RAB6A: variants seen among roughly 807,000 people sequenced by gnomAD.
RAB6A encodes the protein ras-related protein Rab-6A.
In RAB6A, 8 loss-of-function variants were observed where a neutral mutation model predicts 32.3. The ratio of observed to expected loss-of-function variants is 0.25; its 90% CI spans 0.15 to 0.45. RAB6A has a LOEUF of 0.45. Ranked by LOEUF, RAB6A falls within the 20% of genes least tolerant of loss-of-function variation. The pLI, the probability that RAB6A is intolerant of heterozygous loss-of-function variation, is 1.00. For synonymous variants in RAB6A, 73 were observed against 82.1 expected (o/e 0.89, Z 0.60); for missense variants, 104 against 249.4 (o/e 0.42, Z 3.93).
chr11:73,688,761 T>C (rs183258673), intron 6 of RAB6A, among the ~76,000 whole-genome samples: 1 of 152,230 alleles, frequency 6.6e-6, no homozygotes. Context: ...TTTACATAAG[T>C]AGATTTTTTC....
chr11:73,735,533 A>G (rs1322802780), intron 1 of RAB6A, among the ~76,000 whole-genome samples: 6 of 152,174 alleles, frequency 3.9e-5, no homozygotes, highest in African/African-American at 1.2e-4. Flanking sequence ...GCTAGAAGGT[A>G]AAGAAAAACT....
At chr11:73,735,514 T>C (rs539871961) in intron 1 of RAB6A, among the ~76,000 whole-genome samples, 9 of 152,278 alleles carry the variant, frequency 5.9e-5, no homozygotes, top group Non-Finnish European at 1.2e-4. Context: ...GGCAGTCTTC[T>C]ATTATAAGGC....
At chr11:73,760,182 G>A (rs1168944895) in intron 1 of RAB6A, 2 of 1,125,470 alleles carry the variant, frequency 1.8e-6, no homozygotes, top group Non-Finnish European at 2.4e-6. Flanking sequence ...ACAGAGCTGA[G>A]GAACTGGGAA....
In RAB6A at chr11:73,754,937, T is replaced by A. The variant is rs147588459; in HGVS notation, c.70+5629A>T. 7.9e-3 allele frequency among the ~76,000 whole-genome samples: 1,205 copies of A among 152,166 alleles called. 4 individuals carry two copies. Among genetic ancestry groups the A allele is most frequent in the African/African-American group, 9.2e-3 (380 of 41,526 alleles). On this transcript the variant is annotated intron_variant, in intron 1 of 7. Coordinates refer to ENST00000336083, the MANE Select transcript of RAB6A (RefSeq NM_198896.2). ...TGGGTTTATTATTATTATTATTATT[T>A]TTTTGAGATGGAGTTTTGCTCGTTG...
chr11:73,689,205 G>A (rs1317120120), intron 6 of RAB6A, among the ~76,000 whole-genome samples: 1 of 152,158 alleles, frequency 6.6e-6, no homozygotes, highest in Non-Finnish European at 1.5e-5. Flanking sequence ...TTTGGCACCA[G>A]GGACCGGTTT....
At chr11:73,721,450 ATGAT>A (rs975278691) in intron 2 of RAB6A, among the ~76,000 whole-genome samples, 19 of 152,190 alleles carry the variant, frequency 1.2e-4, no homozygotes, top group African/African-American at 4.6e-4. Context: ...GTACCACACA[ATGAT>A]AGCTTCCTTC....
At chr11:73,758,195 T>C (rs1946790525) in intron 1 of RAB6A, among the ~76,000 whole-genome samples, 1 of 152,226 alleles carries the variant, frequency 6.6e-6, no homozygotes, top group African/African-American at 2.4e-5. Context: ...CAATCTTTCA[T>C]TGTCAAAGCT....
chr11:73,694,470 A>T (rs35922896), intron 6 of RAB6A, among the ~76,000 whole-genome samples: 5,545 of 152,342 alleles, frequency 0.036, 146 homozygotes, highest in Middle Eastern at 0.071. Flanking sequence ...AAGCACTGTG[A>T]AAGGGCTATG....
chr11:73,758,192 T>C (rs1946790491), intron 1 of RAB6A, among the ~76,000 whole-genome samples: 1 of 152,236 alleles, frequency 6.6e-6, no homozygotes, highest in Admixed American at 6.5e-5. Context: ...GATCAATCTT[T>C]CATTGTCAAA....
Position 73,746,738 on chromosome 11 carries a change from G to A in RAB6A, c.70+13828C>T, listed in dbSNP as rs550690492. Reference sequence around the variant, plus strand: ...ACACTACCATCACACTCCAACCAGGGAGACGTAGCAAAACTCTGCCTCGAA... The same window carrying A: ...ACACTACCATCACACTCCAACCAGGAAGACGTAGCAAAACTCTGCCTCGAA... On this transcript the variant is annotated intron_variant, in intron 1 of 7. Transcript: ENST00000336083. 5.3e-5 allele frequency among the ~76,000 whole-genome samples: 8 copies of A among 151,360 alleles called. No homozygotes were observed. In the East Asian group the frequency reaches 1.6e-3, roughly 29 times the overall value.
chr11:73,694,108 C>T (rs1012675798), intron 6 of RAB6A, among the ~76,000 whole-genome samples: 2 of 152,140 alleles, frequency 1.3e-5, no homozygotes, highest in Admixed American at 6.6e-5. Flanking sequence ...ACTGATTCAA[C>T]TGATGTGGGG....
intron 2 of RAB6A, among the ~76,000 whole-genome samples, chr11:73,724,450 T>C (rs1029548911): frequency 5.9e-5 from 9 of 151,918 alleles, no homozygotes; most frequent in Non-Finnish European, 1.2e-4. Flanking sequence ...ACAATCATTA[T>C]CATGCTAAGA....
intron 6 of RAB6A, among the ~76,000 whole-genome samples, chr11:73,707,136 A>AG (rs1945859604): frequency 6.6e-6 from 1 of 151,844 alleles, no homozygotes; most frequent in East Asian, 1.9e-4. Context: ...AAAAAAAAAA[A>AG]AAAAAAGAAA....
At chr11:73,738,876 G>A (rs556892517) in intron 1 of RAB6A, among the ~76,000 whole-genome samples, 4 of 150,582 alleles carry the variant, frequency 2.7e-5, no homozygotes, top group Non-Finnish European at 4.4e-5. Context: ...CCTGGGAGTC[G>A]GAGGCTGCAG....
At chr11:73,699,885 A>T (rs1209867724) in intron 6 of RAB6A, among the ~76,000 whole-genome samples, 1 of 152,192 alleles carries the variant, frequency 6.6e-6, no homozygotes, top group African/African-American at 2.4e-5. Flanking sequence ...GATCACCACC[A>T]ATGCATAAGG....
intron 2 of RAB6A, chr11:73,729,631 T>C (rs1446701831): frequency 6.6e-6 from 1 of 152,226 alleles, no homozygotes; most frequent in African/African-American, 2.4e-5. Flanking sequence ...TTTTACTTTC[T>C]ATAGTTTTGA....
chr11:73,723,671 C>A (rs543658435), intron 2 of RAB6A, among the ~76,000 whole-genome samples: 1 of 152,246 alleles, frequency 6.6e-6, no homozygotes, highest in East Asian at 1.9e-4. Flanking sequence ...CCATCATTAG[C>A]AGCTGAGAAT....
At chr11:73,690,142 C>A (rs1012453859) in intron 6 of RAB6A, among the ~76,000 whole-genome samples, 7 of 152,136 alleles carry the variant, frequency 4.6e-5, no homozygotes, top group Non-Finnish European at 1.0e-4. Flanking sequence ...CTATTAACTA[C>A]CCCATTATTA....
chr11:73,722,063 A>ATATATATATATATATATATATATATATT (rs1475291151), intron 2 of RAB6A, among the ~76,000 whole-genome samples: 27 of 146,122 alleles, frequency 1.8e-4, no homozygotes, highest in Non-Finnish European at 3.0e-4. Context: ...CATGATTGTA[A>ATATATATATATATATATATATATATATT]GTTTCCTGAG....
Sources: allele counts gnomAD v4.1 joint callset (sites outside exome capture counted in the v4.1 genomes callset), GRCh38; gene constraint gnomAD v4.1.1; transcripts MANE v1.5; gene names NCBI Gene and HGNC (gene_info 2026-07-23, HGNC 2026-07-21).